The following SNTG1 variants were observed in gnomAD, a reference collection of about 807,000 sequenced individuals.
SNTG1 encodes the protein syntrophin gamma 1, also known as gamma-1-syntrophin.
Under a neutral mutation model 74.7 loss-of-function variants are expected in SNTG1, and 39 were observed. The observed-to-expected ratio is 0.52, with a 90% CI of 0.40 to 0.68. The LOEUF is 0.68. Among genes scored for constraint, SNTG1 ranks in the 30% least tolerant of loss-of-function variants. The probability of loss-of-function intolerance (pLI) is 0.00; values close to 1 mark genes in which losing one functional copy is unlikely to be tolerated. For missense variants in SNTG1, 685 were observed against 609.5 expected, an observed-to-expected ratio of 1.12 and a Z score of -1.30; for synonymous variants, 254 against 217.1, an observed-to-expected ratio of 1.17 and a Z score of -1.49.
intron 2 of SNTG1, among the ~76,000 whole-genome samples, chr8:50,369,470 C>A (rs2092213028): frequency 6.6e-6 from 1 of 152,054 alleles, no homozygotes; most frequent in Non-Finnish European, 1.5e-5. Flanking sequence ...GTAGTGCATG[C>A]CTGTAATCCC....
intron 2 of SNTG1, among the ~76,000 whole-genome samples, chr8:50,383,426 CAT>C (rs1433796776): frequency 2.6e-5 from 4 of 152,150 alleles, no homozygotes; most frequent in African/African-American, 7.2e-5. Flanking sequence ...AGATAATTGA[CAT>C]ATATTATACA....
chr8:50,287,551 A>G (rs1391666231), intron 2 of SNTG1, among the ~76,000 whole-genome samples: 1 of 152,166 alleles, frequency 6.6e-6, no homozygotes, highest in Non-Finnish European at 1.5e-5. Flanking sequence ...TTACAAAATG[A>G]TGCCCAAATC....
chr8:50,504,664 G>A (rs113193927), intron 9 of SNTG1, among the ~76,000 whole-genome samples: 1 of 152,218 alleles, frequency 6.6e-6, no homozygotes, highest in African/African-American at 2.4e-5. Context: ...AGCCAGGCAT[G>A]GTAGCATGTG....
chr8:50,652,159 T>C (rs1198885386), intron 13 of SNTG1, among the ~76,000 whole-genome samples: 1 of 152,180 alleles, frequency 6.6e-6, no homozygotes, highest in African/African-American at 2.4e-5. Flanking sequence ...TCTCATTTCA[T>C]TCTATTTAGG....
chr8:50,527,612 A>C (rs1431453807), intron 9 of SNTG1, among the ~76,000 whole-genome samples: 1 of 151,924 alleles, frequency 6.6e-6, no homozygotes, highest in Non-Finnish European at 1.5e-5. Flanking sequence ...TATTTTTTTA[A>C]ATGAAAATCA....
chr8:50,044,962 G>A (rs950586214), intron 1 of SNTG1, among the ~76,000 whole-genome samples: 3 of 152,170 alleles, frequency 2.0e-5, no homozygotes, highest in Non-Finnish European at 2.9e-5. Context: ...GACTCTGTTG[G>A]TTTAGATAGA....
At chr8:50,600,737 A>G (rs997254152) in intron 13 of SNTG1, among the ~76,000 whole-genome samples, 2 of 152,018 alleles carry the variant, frequency 1.3e-5, no homozygotes, top group Admixed American at 6.6e-5. Context: ...TTAAAAAACA[A>G]CTTTTCACTT....
intron 2 of SNTG1, among the ~76,000 whole-genome samples, chr8:50,337,625 A>T (rs897466723): frequency 2.0e-4 from 30 of 152,310 alleles, no homozygotes; most frequent in African/African-American, 7.0e-4. Context: ...AAGACCCCTC[A>T]AACTTTCCTG....
chr8:50,173,780 A>G (rs1042708096), intron 2 of SNTG1, among the ~76,000 whole-genome samples: 3 of 152,188 alleles, frequency 2.0e-5, no homozygotes, highest in African/African-American at 4.8e-5. Flanking sequence ...CCCTCACCCA[A>G]TCTGATCCTT....
intron 15 of SNTG1, among the ~76,000 whole-genome samples, chr8:50,673,997 G>A (rs2095298000): frequency 6.6e-6 from 1 of 152,120 alleles, no homozygotes; most frequent in East Asian, 1.9e-4. Context: ...TAGGTATGTT[G>A]AACCAGCTTT....
rs2079821479 is a variant in SNTG1, at chr8:50,093,569, T to TCAG, written c.-102-78992_-102-78991insCAG. On this transcript the variant is annotated intron_variant, in intron 1 of 18. Coordinates refer to ENST00000642720, the MANE Select transcript of SNTG1 (RefSeq NM_018967.5). ...ATTTTAGGGCTGGACTAGAACTTCA[T>TCAG]TCCTGCCTGAAGTTCTTTCCTACAG... Among the ~76,000 whole-genome samples, 6 of 152,032 alleles carry TCAG rather than the reference T, an allele frequency of 3.9e-5. No individual in the cohort carries two copies. The South Asian group carries it at 1.2e-3, about 32-fold the overall frequency.
intron 2 of SNTG1, among the ~76,000 whole-genome samples, chr8:50,374,384 C>T (rs879619602): frequency 2.6e-5 from 4 of 152,190 alleles, no homozygotes; most frequent in African/African-American, 7.2e-5. Context: ...TAGGCACTTT[C>T]GAATTTAGTC....
At chr8:50,090,552 T>C (rs2079688575) in intron 1 of SNTG1, among the ~76,000 whole-genome samples, 1 of 152,164 alleles carries the variant, frequency 6.6e-6, no homozygotes. Flanking sequence ...CCAGCTCAGG[T>C]CAAGGTCTAT....
At chr8:50,740,162 A>G (rs1160371503) in intron 17 of SNTG1, among the ~76,000 whole-genome samples, 2 of 152,108 alleles carry the variant, frequency 1.3e-5, no homozygotes, top group East Asian at 1.9e-4. Context: ...AGCAAAAGAA[A>G]CTATCAACAG....
intron 1 of SNTG1, among the ~76,000 whole-genome samples, chr8:49,951,038 C>A (rs1809653423): frequency 6.6e-6 from 1 of 152,172 alleles, no homozygotes; most frequent in Non-Finnish European, 1.5e-5. Context: ...CCCTTACAAT[C>A]TTAGGGTTGG....
At chr8:50,523,785 A>G (rs1202207098) in intron 9 of SNTG1, among the ~76,000 whole-genome samples, 2 of 152,228 alleles carry the variant, frequency 1.3e-5, no homozygotes, top group Admixed American at 1.3e-4. Flanking sequence ...ACAAGCTATT[A>G]TAAAAACAGC....
chr8:50,579,980 T>C (rs1209228338), intron 12 of SNTG1, among the ~76,000 whole-genome samples: 1 of 152,156 alleles, frequency 6.6e-6, no homozygotes, highest in East Asian at 1.9e-4. Flanking sequence ...GCTTGCACCG[T>C]GTGCTGGGAA....
chr8:50,284,271 T>G (rs1234284037), intron 2 of SNTG1, among the ~76,000 whole-genome samples: 1 of 150,396 alleles, frequency 6.6e-6, no homozygotes, highest in Non-Finnish European at 1.5e-5. Context: ...GATGTTTTTC[T>G]TATGAATAGA....
chr8:49,934,956 A>C (rs1807923832), intron 1 of SNTG1, among the ~76,000 whole-genome samples: 1 of 152,120 alleles, frequency 6.6e-6, no homozygotes, highest in Non-Finnish European at 1.5e-5. Context: ...TATTTTCAAA[A>C]GAAACTATTA....
Sources: allele counts gnomAD v4.1 joint callset (sites outside exome capture counted in the v4.1 genomes callset), GRCh38; gene constraint gnomAD v4.1.1; transcripts MANE v1.5; gene names NCBI Gene and HGNC (gene_info 2026-07-23, HGNC 2026-07-21).